The following MALT1 variants were observed in gnomAD, a reference collection of about 807,000 sequenced individuals.
MALT1 encodes MALT1 paracaspase.
Under a neutral mutation model 85.5 loss-of-function variants are expected in MALT1, and 36 were observed. That is an observed-to-expected ratio of 0.42 (90% CI 0.32 to 0.56). MALT1 has a LOEUF of 0.56. Among genes scored for constraint, MALT1 ranks in the 20% least tolerant of loss-of-function variants. The probability of loss-of-function intolerance (pLI) is 0.10; values close to 1 mark genes in which losing one functional copy is unlikely to be tolerated. For missense variants in MALT1, 716 were observed against 981.6 expected, an observed-to-expected ratio of 0.73 and a Z score of 3.62; for synonymous variants, 359 against 361.3, an observed-to-expected ratio of 0.99 and a Z score of 0.07.
chr18:58,696,509 T>C, intron 3 of MALT1, 22 bp downstream of exon 3: 1 of 1,514,406 alleles, frequency 6.6e-7, no homozygotes, highest in Non-Finnish European at 9.0e-7. Context: ...AATATATCTT[T>C]TAATTCTTCC....
intron 4 of MALT1, among the ~76,000 whole-genome samples, chr18:58,705,377 GGTTA>G (rs2054735100): frequency 6.6e-6 from 1 of 150,934 alleles, no homozygotes; most frequent in African/African-American, 2.4e-5. Flanking sequence ...ACATTGCGCA[GGTTA>G]GTTACATATG....
rs182920507 is a variant in MALT1 at position 58,752,326 on chromosome 18, G to A, written c.*4484G>A. The A allele has an allele frequency of 2.6e-5, 4 of 152,112 alleles. No individual in the cohort carries two copies. Among genetic ancestry groups the A allele is most frequent in the Admixed American group, 6.5e-5 (1 of 15,278 alleles). The allele number at this position is 152,112 out of a possible 1,614,324, so 9.4% of individuals were successfully genotyped here. On this transcript the variant is annotated 3_prime_UTR_variant, in exon 17 of 17. Coordinates refer to ENST00000649217, the MANE Select transcript of MALT1 (RefSeq NM_006785.4). Reference sequence around the variant, plus strand: ...TTTAAGGGTTTTTTTCCAAACAGACGTCCTGACAATGTTGTTTCCTATTCC... The same window carrying A: ...TTTAAGGGTTTTTTTCCAAACAGACATCCTGACAATGTTGTTTCCTATTCC...
In MALT1 at chr18:58,747,949, G is replaced by A. The variant is rs2055393729; in HGVS notation, c.*107G>A. On this transcript the variant is annotated 3_prime_UTR_variant, in exon 17 of 17. Coordinates refer to ENST00000649217, the MANE Select transcript of MALT1 (RefSeq NM_006785.4). ...AGGCAAATTTGTATATGTAGAGAAA[G>A]AATAGTAGTAACTGTTTCATAGCAA... The A allele has an allele frequency of 2.0e-5, 16 of 787,016 alleles. No homozygotes were observed. In the South Asian group the frequency reaches 2.4e-4, roughly 12 times the overall value. The allele number at this position is 787,016 out of a possible 1,614,324, so 48.8% of individuals were successfully genotyped here.
intron 2 of MALT1, among the ~76,000 whole-genome samples, chr18:58,695,796 G>T (rs2054577917): frequency 6.6e-6 from 1 of 152,228 alleles, no homozygotes; most frequent in Non-Finnish European, 1.5e-5. Context: ...ATTCGTGAGG[G>T]TAGAGCCTCC....
chr18:58,727,836 A>T (rs2055086271), intron 10 of MALT1, among the ~76,000 whole-genome samples: 1 of 152,060 alleles, frequency 6.6e-6, no homozygotes, highest in Non-Finnish European at 1.5e-5. Context: ...TAGGCATTTC[A>T]GTTTGGGTGA....
chr18:58,722,961 C>A, intron 9 of MALT1, 87 bp from the exon 10 acceptor site: 3 of 816,802 alleles, frequency 3.7e-6, no homozygotes, highest in East Asian at 2.6e-5. Context: ...AATCTTAAAG[C>A]ATACTTTTTA....
At position 58,733,457 on chromosome 18, in the gene MALT1, T is replaced by C; in HGVS notation, c.1283T>C (p.Val428Ala). 1 of 1,613,608 alleles carries C rather than the reference T, an allele frequency of 6.2e-7. No individual in the cohort carries two copies. Among genetic ancestry groups the C allele is most frequent in the Non-Finnish European group, 8.5e-7 (1 of 1,179,596 alleles). Residue 428 changes from valine (V) to alanine (A), a missense_variant, in exon 11 of 17, where the codon GTT becomes GCT. Coordinates refer to ENST00000649217, the MANE Select transcript of MALT1 (RefSeq NM_006785.4). ...ENFGNSFMVP[V>A]DAPNPYRSEN... ...TTTGGGAACAGCTTCATGGTCCCCG[T>C]TGATGCTCCAAATCCATATAGGTCT...
chr18:58,711,072 A>G, intron 7 of MALT1, 119 bp downstream of exon 7: 1 of 561,920 alleles, frequency 1.8e-6, no homozygotes, highest in Admixed American at 3.9e-5. Context: ...GTAAGAAATG[A>G]TTTTGATTGA....
chr18:58,707,474 G>T (rs907363137), intron 4 of MALT1, among the ~76,000 whole-genome samples: 1 of 150,910 alleles, frequency 6.6e-6, no homozygotes, highest in African/African-American at 2.4e-5. Context: ...TGTACAGAAC[G>T]TGCAGGTTTG....
intron 4 of MALT1, among the ~76,000 whole-genome samples, chr18:58,703,912 A>G (rs949898607): frequency 2.0e-5 from 3 of 152,248 alleles, no homozygotes; most frequent in Admixed American, 6.5e-5. Context: ...CATTTAACAT[A>G]TATATAGTCA....
chr18:58,703,468 T>G (rs2054703049), intron 4 of MALT1, among the ~76,000 whole-genome samples: 1 of 152,224 alleles, frequency 6.6e-6, no homozygotes, highest in African/African-American at 2.4e-5. Flanking sequence ...GGGTAATTTA[T>G]AAACAGAAGA....
intron 15 of MALT1, among the ~76,000 whole-genome samples, chr18:58,745,138 C>T (rs141167704): frequency 2.1e-3 from 326 of 152,168 alleles, no homozygotes; most frequent in Non-Finnish European, 3.2e-3. Context: ...CTCAGCAGTA[C>T]GGAGCCCAGA....
rs2055394524 is a variant in MALT1 at position 58,747,992 on chromosome 18, T to C, written c.*150T>C. ...CATAGCAAACTTCAGGACTTTGAGA[T>C]GTTGAAATTACATTATTTAATTACA... is the stretch of plus-strand genomic sequence containing the variant. On this transcript the variant is annotated 3_prime_UTR_variant, in exon 17 of 17. Transcript: ENST00000649217. 1 of 619,560 alleles carries C rather than the reference T, an allele frequency of 1.6e-6. No homozygotes were observed. Among genetic ancestry groups the C allele is most frequent in the Non-Finnish European group, 2.8e-6 (1 of 354,312 alleles). The allele number at this position is 619,560 out of a possible 1,614,324, so 38.4% of individuals were successfully genotyped here.
rs1347680667 is a variant in MALT1 at position 58,751,299 on chromosome 18, A to G, written c.*3457A>G. On this transcript the variant is annotated 3_prime_UTR_variant, in exon 17 of 17. Transcript: ENST00000649217. ...CTGTCTCTATTAAAAATACAAAAAA[A>G]TTAGCTGGGCATGGTGGCACACACC... The G allele has an allele frequency of 6.6e-6, 1 of 152,272 alleles. No individual in the cohort carries two copies. Among genetic ancestry groups the G allele is most frequent in the Non-Finnish European group, 1.5e-5 (1 of 68,126 alleles). The allele number at this position is 152,272 out of a possible 1,614,324, so 9.4% of individuals were successfully genotyped here.
At chr18:58,724,314 C>G (rs1249640504) in intron 10 of MALT1, among the ~76,000 whole-genome samples, 1 of 151,996 alleles carries the variant, frequency 6.6e-6, no homozygotes, top group East Asian at 1.9e-4. Context: ...AATGAGTTTC[C>G]CTCTCTAAAT....
chr18:58,694,836 C>T (rs892521043), intron 2 of MALT1, among the ~76,000 whole-genome samples: 2 of 152,236 alleles, frequency 1.3e-5, no homozygotes, highest in African/African-American at 4.8e-5. Flanking sequence ...AGGATCTTCT[C>T]AGATGGCTCT....
Position 58,725,022 on chromosome 18 carries a change from C to G in MALT1, c.1222+1771C>G, listed in dbSNP as rs144151938. Among the ~76,000 whole-genome samples the G allele has an allele frequency of 1.6e-3, 243 of 151,386 alleles. 8 individuals carry two copies. In the East Asian group the frequency reaches 0.04, roughly 25 times the overall value. The stretch of plus-strand genomic sequence containing the variant: ...GCAGTCATCTGTAATCCCAGCTACT[C>G]AAGAGGCTGAGGCAGGAGAATGGTT... On this transcript the variant is annotated intron_variant, in intron 10 of 16. Transcript: ENST00000649217.
chr18:58,679,498 C>G (rs780770964), intron 1 of MALT1, among the ~76,000 whole-genome samples: 16 of 152,342 alleles, frequency 1.1e-4, no homozygotes, highest in Admixed American at 2.6e-4. Flanking sequence ...ACATTTGGCC[C>G]ACAGGCCATG....
chr18:58,724,521 G>A (rs1298747899), intron 10 of MALT1, among the ~76,000 whole-genome samples: 1 of 152,036 alleles, frequency 6.6e-6, no homozygotes, highest in Non-Finnish European at 1.5e-5. Flanking sequence ...CTTGGTAATT[G>A]GCTTATACAG....
Sources: gnomAD v4.1 joint callset for allele counts (sites outside exome capture counted in the v4.1 genomes callset) on GRCh38, gnomAD v4.1.1 for gene constraint, MANE v1.5 for transcripts, NCBI Gene and HGNC (gene_info 2026-07-23, HGNC 2026-07-21) for gene names.